The following TEX2 variants were observed in gnomAD, a reference collection of about 807,000 sequenced individuals.
TEX2 encodes the protein testis expressed 2, also known as testis-expressed protein 2.
In TEX2, 53 loss-of-function variants were observed where a neutral mutation model predicts 106.9. That is an observed-to-expected ratio of 0.50 (90% CI 0.40 to 0.62). TEX2 has a LOEUF of 0.62. Among genes scored for constraint, TEX2 ranks in the 20% least tolerant of loss-of-function variants. The pLI, the probability that TEX2 is intolerant of heterozygous loss-of-function variation, is 0.00. For synonymous variants in TEX2, 523 were observed against 534.8 expected (o/e 0.98, Z 0.30); for missense variants, 1,207 against 1,379.0 (o/e 0.88, Z 1.98).
chr17:64,213,610 T>G lies in TEX2; in HGVS notation c.608A>C (p.Glu203Ala). The G allele has an allele frequency of 6.2e-7, 1 of 1,614,078 alleles. No homozygotes were observed. Among genetic ancestry groups the G allele is most frequent in the Non-Finnish European group, 8.5e-7 (1 of 1,179,988 alleles). ...CCTGTGCCTTGCGGGGTGTGGGGAT[T>G]CTTTTGGCTCCACCTCGGTCGACAG... ...KSLSTEVEPK[E>A]SPHPARHRHL... The change falls in exon 2 of 12, where the codon GAA (glutamate) becomes GCA (alanine). Residue 203 changes from glutamate (E) to alanine (A), a missense_variant. Coordinates refer to ENST00000584379, the MANE Select transcript of TEX2 (RefSeq NM_001288732.2). The surrounding 1 kb of genome is among the most constrained non-coding windows in gnomAD (Gnocchi z 4.4).
rs1470621210 is a variant in TEX2, at chr17:64,205,342, C to T, written c.1644+7232G>A. On this transcript the variant is annotated intron_variant, in intron 2 of 11. Coordinates refer to ENST00000584379, the MANE Select transcript of TEX2 (RefSeq NM_001288732.2). This position sits in a 1 kb window ranked among gnomAD's most constrained non-coding sequence, Gnocchi z 4.0. ...CAAACATACAAACAAACAAACATCT[C>T]ACCTGAAAACTATTCTACAAGGGGC... Among the ~76,000 whole-genome samples the T allele has an allele frequency of 6.6e-6, 1 of 152,148 alleles. No homozygotes were observed. Among genetic ancestry groups the T allele is most frequent in the African/African-American group, 2.4e-5 (1 of 41,424 alleles).
intron 2 of TEX2, among the ~76,000 whole-genome samples, chr17:64,198,439 A>C (rs1037167308): frequency 3.3e-5 from 5 of 151,858 alleles, no homozygotes; most frequent in African/African-American, 1.2e-4. Context: ...AACCAAGAAG[A>C]ATCCATGAAG....
chr17:64,165,109 T>C (rs965112185), intron 7 of TEX2, among the ~76,000 whole-genome samples: 7 of 152,194 alleles, frequency 4.6e-5, no homozygotes, highest in African/African-American at 1.7e-4. Flanking sequence ...ATATTTGGCA[T>C]CCAAAGAACA....
chr17:64,251,174 A>C (rs1205543664), intron 1 of TEX2, among the ~76,000 whole-genome samples: 1 of 152,196 alleles, frequency 6.6e-6, no homozygotes, highest in Non-Finnish European at 1.5e-5. Context: ...TTTCCAGCAC[A>C]TGGGGAATGA....
chr17:64,174,184 A>C (rs2031529388), intron 6 of TEX2, among the ~76,000 whole-genome samples: 1 of 152,192 alleles, frequency 6.6e-6, no homozygotes, highest in Non-Finnish European at 1.5e-5. Context: ...TCTGACACTG[A>C]GCCACAGGAG....
chr17:64,172,813 C>A (rs902317505), intron 6 of TEX2, among the ~76,000 whole-genome samples: 4 of 152,128 alleles, frequency 2.6e-5, no homozygotes, highest in African/African-American at 9.7e-5. Context: ...CCTGCTGGGA[C>A]CCTGACTAAT....
intron 1 of TEX2, among the ~76,000 whole-genome samples, chr17:64,232,065 A>G (rs1219487530): frequency 6.6e-6 from 1 of 152,216 alleles, no homozygotes; most frequent in East Asian, 1.9e-4. Flanking sequence ...AGCTGTGACC[A>G]TTAAGAATGA....
At chr17:64,261,873 T>C (rs1192513777) in intron 1 of TEX2, among the ~76,000 whole-genome samples, 2 of 152,206 alleles carry the variant, frequency 1.3e-5, no homozygotes, top group African/African-American at 4.8e-5. Flanking sequence ...CTAACAGAAA[T>C]GGCAGTTTCA....
chr17:64,204,768 C>T (rs1555630570), intron 2 of TEX2, among the ~76,000 whole-genome samples: 1 of 152,116 alleles, frequency 6.6e-6, no homozygotes, highest in East Asian at 1.9e-4. Flanking sequence ...TAAGAATCTT[C>T]GATGTTTTTG....
intron 1 of TEX2, among the ~76,000 whole-genome samples, chr17:64,238,944 C>G (rs1208193149): frequency 6.6e-6 from 1 of 152,122 alleles, no homozygotes; most frequent in Non-Finnish European, 1.5e-5. Context: ...TTTGAGATAA[C>G]TGTAAAAAAA....
Position 64,149,937 on chromosome 17 carries a change from A to AG in TEX2, c.3262-847dup, listed in dbSNP as rs386418964. On this transcript the variant is annotated intron_variant, in intron 11 of 11. Transcript: ENST00000584379. Reference sequence around the variant, plus strand: ...TGTCTTAAAAAAAAAAAAAAAAAAAAGAAAGAAAAAGGGAAAAATAAAAGG... The same window carrying AG: ...TGTCTTAAAAAAAAAAAAAAAAAAAAGGAAAGAAAAAGGGAAAAATAAAAGG... 617 of 147,018 alleles carry AG rather than the reference A, an allele frequency of 4.2e-3. 7 individuals are homozygous for AG. Among genetic ancestry groups the AG allele is most frequent in the South Asian group, 6.4e-3 (30 of 4,716 alleles). The allele number at this position is 147,018 out of a possible 1,614,324, so 9.1% of individuals were successfully genotyped here. A position where few individuals can be genotyped will look rare whatever the true frequency, so the allele number is the denominator to read the frequency against.
Position 64,154,782 on chromosome 17 carries a change from T to C in TEX2, c.2930+60A>G, listed in dbSNP as rs530126553. The C allele has an allele frequency of 1.1e-4, 160 of 1,461,444 alleles. No homozygotes were observed. The African/African-American group carries it at 2.2e-3, about 20-fold the overall frequency. 90.5% of individuals were successfully genotyped at this position (1,461,444 alleles called of 1,614,324 possible). ...AGGAAGGAAGGGAAACAAGGTTCAC[T>C]CCCAACTTGCTGTCCTGATCCCTGG... On this transcript the variant is annotated intron_variant, in intron 9 of 11. Coordinates refer to ENST00000584379, the MANE Select transcript of TEX2 (RefSeq NM_001288732.2).
intron 7 of TEX2, among the ~76,000 whole-genome samples, chr17:64,161,640 A>C (rs1455794886): frequency 6.6e-6 from 1 of 152,132 alleles, no homozygotes; most frequent in African/African-American, 2.4e-5. Flanking sequence ...CATATCTAAA[A>C]GGCTTGTAGC....
rs377606473 is a variant in TEX2, at chr17:64,148,947, G to A, written c.*22C>T. 60 of 1,613,634 alleles carry A rather than the reference G, an allele frequency of 3.7e-5. No individual in the cohort carries two copies. The highest frequency in any genetic ancestry group is 2.0e-4 in the South Asian group (18 of 91,034). On this transcript the variant is annotated 3_prime_UTR_variant, in exon 12 of 12. Coordinates refer to ENST00000584379, the MANE Select transcript of TEX2 (RefSeq NM_001288732.2). ...CACATCCAGCTCGATGTCACAATAT[G>A]GGGAACATCTGACATCACCCATCAT...
Position 64,147,565 on chromosome 17 carries a change from T to C in TEX2, c.*1404A>G, listed in dbSNP as rs969952856. On this transcript the variant is annotated 3_prime_UTR_variant, in exon 12 of 12. Coordinates refer to ENST00000584379, the MANE Select transcript of TEX2 (RefSeq NM_001288732.2). ...TTTACACGATAGTGCATCTAGTCCT[T>C]AGCCTTTAGTTATTGCACAACAATT... 2.0e-5 allele frequency: 3 copies of C among 152,604 alleles called. No homozygotes were observed. The highest frequency in any genetic ancestry group is 4.1e-4 in the South Asian group (2 of 4,832). 9.5% of individuals were successfully genotyped at this position (152,604 alleles called of 1,614,324 possible).
rs2030155412 is a variant in TEX2, at chr17:64,148,212, C to T, written c.*757G>A. On this transcript the variant is annotated 3_prime_UTR_variant, in exon 12 of 12. Coordinates refer to ENST00000584379, the MANE Select transcript of TEX2 (RefSeq NM_001288732.2). ...ATCTGTATGAGAGGACCCATCCTGT[C>T]ATGTGCAGTGTTTGATGTTTTCACA... The T allele has an allele frequency of 1.3e-5, 2 of 152,638 alleles. No individual in the cohort carries two copies. Among genetic ancestry groups the T allele is most frequent in the Admixed American group, 6.5e-5 (1 of 15,270 alleles). 9.5% of individuals were successfully genotyped at this position (152,638 alleles called of 1,614,324 possible). A position where few individuals can be genotyped will look rare whatever the true frequency, so the allele number is the denominator to read the frequency against.
At chr17:64,190,502 C>T (rs1480447324) in intron 4 of TEX2, among the ~76,000 whole-genome samples, 4 of 152,208 alleles carry the variant, frequency 2.6e-5, no homozygotes, top group Admixed American at 2.0e-4. Context: ...GAACCCCCTA[C>T]GAGGCCTGGC....
intron 1 of TEX2, among the ~76,000 whole-genome samples, chr17:64,229,041 T>C (rs2033591473): frequency 6.6e-6 from 1 of 152,072 alleles, no homozygotes; most frequent in Non-Finnish European, 1.5e-5. Context: ...TTTGCAGGGT[T>C]TCCTGTTTTC....
intron 1 of TEX2, among the ~76,000 whole-genome samples, chr17:64,246,788 G>A (rs1031156227): frequency 2.6e-5 from 4 of 152,182 alleles, no homozygotes; most frequent in Non-Finnish European, 4.4e-5. Flanking sequence ...GCTAAAAGGG[G>A]TAAGCTGAGG....
Sources: gnomAD v4.1 joint callset for allele counts (sites outside exome capture counted in the v4.1 genomes callset) on GRCh38, gnomAD v4.1.1 for gene constraint, Gnocchi (gnomAD v3.1) non-coding constraint, MANE v1.5 for transcripts, NCBI Gene and HGNC (gene_info 2026-07-23, HGNC 2026-07-21) for gene names.